The following SBF2 variants were observed in gnomAD, a reference collection of about 807,000 sequenced individuals.
SBF2 encodes the protein myotubularin-related protein 13.
In SBF2, 112 loss-of-function variants were observed where a neutral mutation model predicts 225.2. The ratio of observed to expected loss-of-function variants is 0.50; its 90% confidence interval spans 0.43 to 0.58. SBF2 has a LOEUF of 0.58. SBF2 is among the 20% of genes least tolerant of loss of function. The pLI, the probability that SBF2 is intolerant of heterozygous loss-of-function variation, is 0.00. For synonymous variants in SBF2, 763 were observed against 773.3 expected (o/e 0.99, Z 0.22); for missense variants, 1,996 against 2,206.2 (o/e 0.90, Z 1.91).
At chr11:10,001,168 G>GA (rs1352774794) in intron 7 of SBF2, 146 bp from the exon 8 acceptor site, 1 of 599,332 alleles carries the variant, frequency 1.7e-6, no homozygotes, top group Non-Finnish European at 3.0e-6. Flanking sequence ...TAAAATTTTG[G>GA]AAAAAATGAT....
intron 1 of SBF2, among the ~76,000 whole-genome samples, chr11:10,237,664 C>T (rs1257273370): frequency 3.3e-5 from 5 of 152,166 alleles, no homozygotes; most frequent in South Asian, 2.1e-4. Flanking sequence ...TGAGGTTTGA[C>T]GTGTATATAC....
chr11:9,917,944 A>G (rs1206892648), intron 16 of SBF2, among the ~76,000 whole-genome samples: 1 of 151,692 alleles, frequency 6.6e-6, no homozygotes, highest in Non-Finnish European at 1.5e-5. Context: ...AAACAGGACC[A>G]GCATTTATTC....
chr11:9,883,520 G>A (rs915399177), intron 17 of SBF2, among the ~76,000 whole-genome samples: 3 of 152,098 alleles, frequency 2.0e-5, no homozygotes, highest in African/African-American at 4.8e-5. Context: ...ATGATTGTGA[G>A]GATTAAATCC....
intron 1 of SBF2, among the ~76,000 whole-genome samples, chr11:10,241,746 CT>C (rs1182938098): frequency 6.6e-6 from 1 of 152,020 alleles, no homozygotes; most frequent in African/African-American, 2.4e-5. Context: ...AAGCAGATAT[CT>C]ATAAAATGCC....
At chr11:9,900,197 A>T (rs1274244385) in intron 16 of SBF2, among the ~76,000 whole-genome samples, 1 of 152,206 alleles carries the variant, frequency 6.6e-6, no homozygotes, top group Non-Finnish European at 1.5e-5. Context: ...GATCATCAAA[A>T]ATCCTATGAA....
chr11:10,244,825 G>A (rs960579959), intron 1 of SBF2, among the ~76,000 whole-genome samples: 1 of 152,022 alleles, frequency 6.6e-6, no homozygotes, highest in Non-Finnish European at 1.5e-5. Flanking sequence ...CAACTCAATA[G>A]CAAACAATAA....
intron 17 of SBF2, among the ~76,000 whole-genome samples, chr11:9,888,546 A>G (rs565956686): frequency 6.6e-6 from 1 of 152,012 alleles, no homozygotes; most frequent in Non-Finnish European, 1.5e-5. Context: ...GAAACTTATA[A>G]ATAATACTAT....
intron 1 of SBF2, among the ~76,000 whole-genome samples, chr11:10,196,866 A>ATATATATATATATATATATTTTTT: frequency 2.5e-4 from 25 of 99,294 alleles, no homozygotes; most frequent in African/African-American, 4.0e-4. Flanking sequence ...ATATATATAT[A>ATATATATATATATATATATTTTTT]TTTTTTTTTT....
intron 2 of SBF2, 65 bp from the exon 3 acceptor site, chr11:10,043,046 G>T: frequency 1.3e-6 from 2 of 1,514,298 alleles, no homozygotes; most frequent in Non-Finnish European, 1.8e-6. Context: ...TAATCTCTGA[G>T]AAATTTTAAA....
chr11:9,823,161 A>C (rs1457207990), intron 28 of SBF2, among the ~76,000 whole-genome samples: 3 of 152,228 alleles, frequency 2.0e-5, no homozygotes, highest in African/African-American at 7.2e-5. Flanking sequence ...AGTTGTAAGT[A>C]TATGTGTTTC....
chr11:9,782,183 T>TAAAAAAAAAAA, intron 38 of SBF2, among the ~76,000 whole-genome samples: 1 of 139,466 alleles, frequency 7.2e-6, no homozygotes, highest in Non-Finnish European at 1.6e-5. Context: ...TCTCAAAAAA[T>TAAAAAAAAAAA]AAAAAAAAAA....
intron 2 of SBF2, among the ~76,000 whole-genome samples, chr11:10,102,927 G>A (rs1401929167): frequency 1.3e-5 from 2 of 152,226 alleles, no homozygotes; most frequent in South Asian, 4.1e-4. Context: ...CATTAAAGAT[G>A]CACTAATAAA....
chr11:9,910,340 C>T (rs76425290), intron 16 of SBF2, among the ~76,000 whole-genome samples: 9,282 of 152,180 alleles, frequency 0.061, 465 homozygotes, highest in East Asian at 0.28. Flanking sequence ...TGCTGCCAGT[C>T]TCATAAAAAT....
chr11:9,930,725 T>G (rs893276592), intron 16 of SBF2, among the ~76,000 whole-genome samples: 1 of 152,202 alleles, frequency 6.6e-6, no homozygotes, highest in African/African-American at 2.4e-5. Context: ...GTGAGGTACC[T>G]GTTTCATCTC....
chr11:10,116,133 C>A (rs983814340), intron 2 of SBF2, among the ~76,000 whole-genome samples: 2 of 152,130 alleles, frequency 1.3e-5, no homozygotes, highest in African/African-American at 2.4e-5. Context: ...CACGCCACTG[C>A]ACTCCAGCCT....
At chr11:10,047,127 C>G (rs1949895187) in intron 2 of SBF2, among the ~76,000 whole-genome samples, 1 of 151,996 alleles carries the variant, frequency 6.6e-6, no homozygotes, top group Non-Finnish European at 1.5e-5. Flanking sequence ...AATCAAAGAA[C>G]TAAATAAATG....
chr11:10,026,329 C>A (rs1294476931), intron 6 of SBF2, among the ~76,000 whole-genome samples: 3 of 152,158 alleles, frequency 2.0e-5, no homozygotes, highest in African/African-American at 7.2e-5. Context: ...AGGTATACAA[C>A]CTTTTTTAAA....
intron 1 of SBF2, among the ~76,000 whole-genome samples, chr11:10,212,230 G>A (rs1957967429): frequency 6.6e-6 from 1 of 152,148 alleles, no homozygotes. Context: ...ACCACGGTAC[G>A]AATTCATGGA....
At chr11:10,175,875 A>G (rs886453423) in intron 2 of SBF2, among the ~76,000 whole-genome samples, 8 of 152,068 alleles carry the variant, frequency 5.3e-5, no homozygotes, top group African/African-American at 1.7e-4. Context: ...AAACCGCTCA[A>G]CTACATGGAA....
Sources: allele counts gnomAD v4.1 joint callset (sites outside exome capture counted in the v4.1 genomes callset), GRCh38; gene constraint gnomAD v4.1.1; transcripts MANE v1.5; gene names NCBI Gene and HGNC (gene_info 2026-07-23, HGNC 2026-07-21).